The following RTN1 variants were observed in gnomAD, a reference collection of about 807,000 sequenced individuals.
The protein encoded by RTN1 is reticulon 1.
Under a neutral mutation model 65.5 loss-of-function variants are expected in RTN1, and 25 were observed. The ratio of observed to expected loss-of-function variants is 0.38; its 90% CI spans 0.28 to 0.53. RTN1 has a LOEUF of 0.53. Ranked by LOEUF, RTN1 falls within the 20% of genes least tolerant of loss-of-function variation. RTN1 has a pLI of 0.79. For missense variants in RTN1, 983 were observed against 1,025.4 expected (o/e 0.96, Z 0.57); for synonymous variants, 471 against 447.6 (o/e 1.05, Z -0.66).
At chr14:59,756,849 T>G (rs552503031) in intron 1 of RTN1, among the ~76,000 whole-genome samples, 10 of 149,630 alleles carry the variant, frequency 6.7e-5, no homozygotes, top group Admixed American at 2.0e-4. Flanking sequence ...TTGTTTTTTT[T>G]TTTTTGTCTC....
chr14:59,801,917 C>T (rs371021847), intron 1 of RTN1, among the ~76,000 whole-genome samples: 25 of 152,144 alleles, frequency 1.6e-4, no homozygotes, highest in African/African-American at 2.4e-4. Context: ...CAGTCAAATA[C>T]GTTTGGGGTC....
intron 3 of RTN1, among the ~76,000 whole-genome samples, chr14:59,660,195 C>T (rs1254796002): frequency 3.3e-5 from 5 of 152,108 alleles, no homozygotes; most frequent in African/African-American, 1.2e-4. Context: ...GCTGACTATC[C>T]TAAATATATA....
intron 1 of RTN1, among the ~76,000 whole-genome samples, chr14:59,869,011 T>C (rs2139683489): frequency 6.6e-6 from 1 of 152,224 alleles, no homozygotes; most frequent in African/African-American, 2.4e-5. Flanking sequence ...ATAATTAATA[T>C]ATAACCTTTG....
intron 2 of RTN1, among the ~76,000 whole-genome samples, chr14:59,728,326 G>A (rs1884827387): frequency 6.8e-6 from 1 of 147,234 alleles, no homozygotes. Context: ...CCACCAAGCA[G>A]GCTGTGCAGA....
chr14:59,850,317 C>T (rs1166930052), intron 1 of RTN1, among the ~76,000 whole-genome samples: 1 of 152,184 alleles, frequency 6.6e-6, no homozygotes, highest in Non-Finnish European at 1.5e-5. Flanking sequence ...ATGCTCAGAA[C>T]ATTTACATTA....
chr14:59,774,072 A>G lies in RTN1; in HGVS notation c.242-27591T>C, dbSNP rs1430337300. ...GTGAAATAGAATGCCAGATTTACAA[A>G]TTTGGGCAAGTATCCACATTATGGT... On this transcript the variant is annotated intron_variant, in intron 1 of 8. Coordinates refer to ENST00000267484, the MANE Select transcript of RTN1 (RefSeq NM_021136.3). The surrounding 1 kb of genome is among the most constrained non-coding windows in gnomAD (Gnocchi z 5.1). 1.3e-5 allele frequency among the ~76,000 whole-genome samples: 2 copies of G among 152,196 alleles called. No homozygotes were observed. The highest frequency in any genetic ancestry group is 4.8e-5 in the African/African-American group (2 of 41,458).
Position 59,829,001 on chromosome 14 carries a change from T to G in RTN1, c.241+41389A>C, listed in dbSNP as rs1157743903. ...TTATTATTATTCAACCTCCCAGGCT[T>G]CCACTATATCCTTGGATGATCCCAC... On this transcript the variant is annotated intron_variant, in intron 1 of 8. Coordinates refer to ENST00000267484, the MANE Select transcript of RTN1 (RefSeq NM_021136.3). The surrounding 1 kb of genome is among the most constrained non-coding windows in gnomAD (Gnocchi z 4.3). 1.3e-5 allele frequency among the ~76,000 whole-genome samples: 2 copies of G among 152,176 alleles called. No homozygotes were observed. Among genetic ancestry groups the G allele is most frequent in the East Asian group, 3.8e-4 (2 of 5,198 alleles).
At chr14:59,684,795 G>A (rs550694626) in intron 3 of RTN1, among the ~76,000 whole-genome samples, 1 of 152,148 alleles carries the variant, frequency 6.6e-6, no homozygotes, top group African/African-American at 2.4e-5. Flanking sequence ...TAGTTTGGGT[G>A]GGTATAGAAG....
intron 1 of RTN1, among the ~76,000 whole-genome samples, chr14:59,819,074 G>A (rs1014578476): frequency 2.6e-5 from 4 of 152,050 alleles, no homozygotes; most frequent in African/African-American, 4.8e-5. Flanking sequence ...GGCGCATCCC[G>A]AGTCGTTGGT....
At chr14:59,724,175 A>G (rs1438255463) in intron 3 of RTN1, among the ~76,000 whole-genome samples, 1 of 152,166 alleles carries the variant, frequency 6.6e-6, no homozygotes, top group Non-Finnish European at 1.5e-5. Flanking sequence ...ACAAGGAGGA[A>G]AACTGAAGCA....
chr14:59,620,251 C>T (rs988517114), intron 3 of RTN1, among the ~76,000 whole-genome samples: 1 of 152,078 alleles, frequency 6.6e-6, no homozygotes. Flanking sequence ...GGTAAAATAA[C>T]ATAATGAGGG....
chr14:59,762,434 T>A (rs546605037), intron 1 of RTN1, among the ~76,000 whole-genome samples: 1 of 152,260 alleles, frequency 6.6e-6, no homozygotes, highest in South Asian at 2.1e-4. Flanking sequence ...ACCACACTCA[T>A]ATTATTGATG....
intron 3 of RTN1, among the ~76,000 whole-genome samples, chr14:59,630,986 G>A (rs1050382430): frequency 6.6e-6 from 1 of 152,156 alleles, no homozygotes; most frequent in East Asian, 1.9e-4. Flanking sequence ...GAAACCTGCT[G>A]GACAAGACCA....
chr14:59,699,317 A>G (rs1021382458), intron 3 of RTN1, among the ~76,000 whole-genome samples: 1 of 152,130 alleles, frequency 6.6e-6, no homozygotes, highest in Non-Finnish European at 1.5e-5. Context: ...AAGTTAATAA[A>G]GAAAAGAATG....
intron 1 of RTN1, among the ~76,000 whole-genome samples, chr14:59,814,777 T>C (rs899689614): frequency 1.3e-5 from 2 of 152,334 alleles, no homozygotes; most frequent in Admixed American, 6.5e-5. Flanking sequence ...CAAGGAAATG[T>C]ACACAGAATG....
chr14:59,717,146 A>G (rs1184729944), intron 3 of RTN1, among the ~76,000 whole-genome samples: 1 of 152,164 alleles, frequency 6.6e-6, no homozygotes, highest in African/African-American at 2.4e-5. Context: ...CTGAGCTCCT[A>G]GAGATGTTAG....
chr14:59,714,636 A>G (rs1031914926), intron 3 of RTN1, among the ~76,000 whole-genome samples: 3 of 152,166 alleles, frequency 2.0e-5, no homozygotes, highest in African/African-American at 7.2e-5. Flanking sequence ...TCAGAGCTTC[A>G]CCTGGCTGCA....
intron 3 of RTN1, among the ~76,000 whole-genome samples, chr14:59,689,945 A>G (rs2140227368): frequency 6.6e-6 from 1 of 152,090 alleles, no homozygotes; most frequent in African/African-American, 2.4e-5. Context: ...CAACAGGATC[A>G]AAACCTCACA....
chr14:59,833,951 T>A (rs1472374880), intron 1 of RTN1, among the ~76,000 whole-genome samples: 2 of 152,352 alleles, frequency 1.3e-5, no homozygotes, highest in Admixed American at 6.5e-5. Context: ...TGGAGGGCTA[T>A]TAATACCTAA....
Sources: gnomAD v4.1 joint callset for allele counts (sites outside exome capture counted in the v4.1 genomes callset) on GRCh38, gnomAD v4.1.1 for gene constraint, Gnocchi (gnomAD v3.1) non-coding constraint, MANE v1.5 for transcripts, NCBI Gene and HGNC (gene_info 2026-07-23, HGNC 2026-07-21) for gene names.